Variants in MCPH1 observed in about 807,000 individuals in gnomAD.
MCPH1 encodes microcephalin.
In MCPH1, 104 loss-of-function variants were observed where a neutral mutation model predicts 84.5. The observed-to-expected ratio is 1.23, with a 90% CI of 1.05 to 1.45. The LOEUF is 1.45. Ranked by LOEUF, MCPH1 falls within the 40% of genes most tolerant of loss-of-function variation. The probability of loss-of-function intolerance (pLI) is 0.00; values close to 1 mark genes in which losing one functional copy is unlikely to be tolerated. For synonymous variants in MCPH1, 514 were observed against 366.8 expected (o/e 1.40, Z -4.58); for missense variants, 1,498 against 1,005.7 (o/e 1.49, Z -6.62).
Position 6,576,975 on chromosome 8 carries a change from T to C in MCPH1, c.2215-44479T>C, listed in dbSNP as rs532597989. ...GAGAGACGCAGGGCCCTGCCCATTC[T>C]GCGGAATTCCTTCTCCCTGCTGCCT... On this transcript the variant is annotated intron_variant, in intron 12 of 13. Coordinates refer to ENST00000344683, the MANE Select transcript of MCPH1 (RefSeq NM_024596.5). 5.9e-5 allele frequency among the ~76,000 whole-genome samples: 9 copies of C among 152,242 alleles called. No homozygotes were observed. The South Asian group carries it at 1.9e-3, about 32-fold the overall frequency.
At chr8:6,544,902 T>C (rs1048774431) in intron 12 of MCPH1, among the ~76,000 whole-genome samples, 2 of 152,008 alleles carry the variant, frequency 1.3e-5, no homozygotes, top group Admixed American at 6.6e-5. Flanking sequence ...GATTCTTTGG[T>C]CAGTAGTCTC....
Position 6,643,385 on chromosome 8 carries a change from C to T in MCPH1, c.*336C>T. 1 of 342,964 alleles carries T rather than the reference C, an allele frequency of 2.9e-6. No individual in the cohort carries two copies. The highest frequency in any genetic ancestry group is 2.7e-5 in the South Asian group (1 of 36,412). The allele number at this position is 342,964 out of a possible 1,614,324, so 21.2% of individuals were successfully genotyped here. On this transcript the variant is annotated 3_prime_UTR_variant, in exon 14 of 14. Coordinates refer to ENST00000344683, the MANE Select transcript of MCPH1 (RefSeq NM_024596.5). ...GTTCAAGCGATTCTGCTGCCTCAGC[C>T]TCCTGAGTAGCTGGGATTACAGATG...
At chr8:6,423,129 C>G (rs1800486329) in intron 3 of MCPH1, among the ~76,000 whole-genome samples, 1 of 149,090 alleles carries the variant, frequency 6.7e-6, no homozygotes, top group Non-Finnish European at 1.5e-5. Context: ...CAAAAGCACA[C>G]TTTTAAGGTC....
intron 8 of MCPH1, chr8:6,446,874 A>G: frequency 1.0e-6 from 1 of 985,078 alleles, no homozygotes; most frequent in Non-Finnish European, 1.2e-6. Flanking sequence ...GTTCTAGAAC[A>G]CTGCCCCCCT....
In MCPH1 at chr8:6,474,052, G is replaced by A. The variant is rs910961432; in HGVS notation, c.1936-3542G>A. On this transcript the variant is annotated intron_variant, in intron 9 of 13. Coordinates refer to ENST00000344683, the MANE Select transcript of MCPH1 (RefSeq NM_024596.5). ...TATAACCCCTCATTTGAAGTATTTC[G>A]TACAATATGTTGGCATCTATTCTCA... 5.0e-5 allele frequency: 40 copies of A among 807,508 alleles called. No individual in the cohort carries two copies. In the African/African-American group the frequency reaches 5.7e-4, roughly 12 times the overall value. The allele number at this position is 807,508 out of a possible 1,614,324, so 50.0% of individuals were successfully genotyped here. A position where few individuals can be genotyped will look rare whatever the true frequency, so the allele number is the denominator to read the frequency against.
rs1369408463 is a variant in MCPH1 at position 6,623,709 on chromosome 8, A to AAC, written c.2452+2019_2452+2020insCA. On this transcript the variant is annotated intron_variant, in intron 13 of 13. Coordinates refer to ENST00000344683, the MANE Select transcript of MCPH1 (RefSeq NM_024596.5). ...CTTCCAAAAAAAAAAAAAAAAAAAA[A>AAC]AAAAAAAAACTATTGATTTTAGTCA... 3.6e-3 allele frequency among the ~76,000 whole-genome samples: 22 copies of AAC among 6,136 alleles called. 1 individual carries two copies. Among genetic ancestry groups the AAC allele is most frequent in the Non-Finnish European group, 7.4e-3 (19 of 2,562 alleles). 4.0% of individuals were successfully genotyped at this position (6,136 alleles called of 152,430 possible). A position where few individuals can be genotyped will look rare whatever the true frequency, so the allele number is the denominator to read the frequency against.
chr8:6,607,248 A>G (rs1273194060), intron 12 of MCPH1, among the ~76,000 whole-genome samples: 1 of 152,198 alleles, frequency 6.6e-6, no homozygotes, highest in Non-Finnish European at 1.5e-5. Flanking sequence ...CAGAGCACAG[A>G]GAAGAATCAG....
intron 3 of MCPH1, among the ~76,000 whole-genome samples, chr8:6,420,750 CATA>C (rs1162535060): frequency 6.6e-6 from 1 of 152,168 alleles, no homozygotes; most frequent in Non-Finnish European, 1.5e-5. Flanking sequence ...GTTTCTTATA[CATA>C]AGCAAATGTA....
intron 13 of MCPH1, among the ~76,000 whole-genome samples, chr8:6,636,231 T>G (rs1797545083): frequency 6.6e-6 from 1 of 151,774 alleles, no homozygotes; most frequent in African/African-American, 2.4e-5. Flanking sequence ...TCCCAGCTAC[T>G]TGGGAGGCTG....
At position 6,621,423 on chromosome 8, in the gene MCPH1, C is replaced by G. The variant is rs753955316; in HGVS notation, c.2215-31C>G. On this transcript the variant is annotated intron_variant, in intron 12 of 13. Transcript: ENST00000344683. The stretch of plus-strand genomic sequence containing the variant: ...GCTATGGAGACTGGAGTGGTCCCAC[C>G]TCTGTAATTCTATCTCTGTCTGCCC... 4.3e-6 allele frequency: 7 copies of G among 1,612,834 alleles called. No homozygotes were observed. In the South Asian group the frequency reaches 5.5e-5, roughly 13 times the overall value.
Position 6,519,303 on chromosome 8 carries a change from G to C in MCPH1, c.2214+19374G>C, listed in dbSNP as rs181568378. Among the ~76,000 whole-genome samples the C allele has an allele frequency of 2.0e-3, 303 of 152,288 alleles. 9 individuals carry two copies. In the South Asian group the frequency reaches 0.041, roughly 20 times the overall value. On this transcript the variant is annotated intron_variant, in intron 12 of 13. Coordinates refer to ENST00000344683, the MANE Select transcript of MCPH1 (RefSeq NM_024596.5). ...ACCACCGGTCTGTGGCACTGTGTTA[G>C]CGTTTGCTCAGATAGAGCAAAAACC...
intron 5 of MCPH1, among the ~76,000 whole-genome samples, chr8:6,437,958 G>C (rs1252974918): frequency 6.6e-6 from 1 of 152,136 alleles, no homozygotes; most frequent in African/African-American, 2.4e-5. Flanking sequence ...CTTTAAACCA[G>C]AAGGACATCC....
intron 12 of MCPH1, chr8:6,562,879 T>C (rs373814711): frequency 8.1e-6 from 13 of 1,610,914 alleles, no homozygotes; most frequent in African/African-American, 1.3e-5. Flanking sequence ...AAAGTTGTTA[T>C]AGGCTGCGGC....
chr8:6,605,045 A>G (rs1289832003), intron 12 of MCPH1, among the ~76,000 whole-genome samples: 1 of 152,048 alleles, frequency 6.6e-6, no homozygotes, highest in Non-Finnish European at 1.5e-5. Flanking sequence ...GGTCACCCCG[A>G]CAGGACCCTA....
Position 6,499,904 on chromosome 8 carries a change from T to C in MCPH1, c.2189T>C (p.Leu730Pro), listed in dbSNP as rs771694886. The change falls in exon 12 of 14, where the codon CTG becomes CCG. Residue 730 changes from leucine (L) to proline (P), a missense_variant. Coordinates refer to ENST00000344683, the MANE Select transcript of MCPH1 (RefSeq NM_024596.5). ...TGGATTTCTGAGGAGCCGTTCGAAC[T>C]GTCTCACCACTTCCCTGCAGCTCCC... ...GHWISEEPFE[L>P]SHHFPAAPLC... 6.2e-7 allele frequency: 1 copy of C among 1,613,746 alleles called. No individual in the cohort carries two copies. The highest frequency in any genetic ancestry group is 2.2e-5 in the East Asian group (1 of 44,876).
chr8:6,611,660 C>T (rs1830279124), intron 12 of MCPH1, among the ~76,000 whole-genome samples: 1 of 152,132 alleles, frequency 6.6e-6, no homozygotes, highest in African/African-American at 2.4e-5. Flanking sequence ...ACTCTGTCTC[C>T]CAGGCTGGAG....
In MCPH1 at chr8:6,645,400, T is replaced by TA. The variant is rs1178544741; in HGVS notation, c.*2352dup. The TA allele has an allele frequency of 6.6e-6, 1 of 152,094 alleles. No homozygotes were observed. The highest frequency in any genetic ancestry group is 1.5e-5 in the Non-Finnish European group (1 of 68,014). The allele number at this position is 152,094 out of a possible 1,614,324, so 9.4% of individuals were successfully genotyped here. Reference sequence around the variant, plus strand: ...TCTGCAAAGCCTTACTCAAAACATATAGGGCTAGAGGTTCTCAGGATTCTG... The same window carrying TA: ...TCTGCAAAGCCTTACTCAAAACATATAAGGGCTAGAGGTTCTCAGGATTCTG... On this transcript the variant is annotated 3_prime_UTR_variant, in exon 14 of 14. Transcript: ENST00000344683.
At chr8:6,532,877 G>C (rs1819795097) in intron 12 of MCPH1, among the ~76,000 whole-genome samples, 1 of 152,182 alleles carries the variant, frequency 6.6e-6, no homozygotes, top group Admixed American at 6.6e-5. Context: ...GTCAGGAAAT[G>C]ATAATTTGAC....
At chr8:6,538,340 T>C (rs966208214) in intron 12 of MCPH1, among the ~76,000 whole-genome samples, 3 of 152,214 alleles carry the variant, frequency 2.0e-5, no homozygotes, top group African/African-American at 7.2e-5. Context: ...CACTGTCCTC[T>C]CTGTCTCTTG....
Sources: gnomAD v4.1 joint callset for allele counts (sites outside exome capture counted in the v4.1 genomes callset) on GRCh38, gnomAD v4.1.1 for gene constraint, MANE v1.5 for transcripts, NCBI Gene and HGNC (gene_info 2026-07-23, HGNC 2026-07-21) for gene names.